The following NHSL1 variants were observed in gnomAD, a reference collection of about 807,000 sequenced individuals.
NHSL1 encodes the protein NHS-like protein 1.
Under a neutral mutation model 95.0 loss-of-function variants are expected in NHSL1, and 48 were observed. The ratio of observed to expected loss-of-function variants is 0.51; its 90% CI spans 0.40 to 0.64. The LOEUF (loss-of-function observed/expected upper bound fraction) is 0.64, where lower values mean the gene tolerates loss of function less well. Among genes scored for constraint, NHSL1 ranks in the 30% least tolerant of loss-of-function variants. The pLI is 0.00. For synonymous variants in NHSL1, 783 were observed against 833.9 expected (o/e 0.94, Z 1.05); for missense variants, 1,971 against 2,077.7 (o/e 0.95, Z 1.00).
intron 2 of NHSL1, among the ~76,000 whole-genome samples, chr6:138,493,630 T>A (rs780684318): frequency 7.2e-5 from 11 of 152,224 alleles, no homozygotes; most frequent in South Asian, 2.1e-4. Flanking sequence ...GCTTAGGAGC[T>A]GGGCAGAGAA....
At chr6:138,467,238 C>T (rs184465900) in intron 3 of NHSL1, among the ~76,000 whole-genome samples, 42 of 151,972 alleles carry the variant, frequency 2.8e-4, no homozygotes, top group South Asian at 1.5e-3. Context: ...CTGCCGGCTC[C>T]GCCCCCCGGG....
chr6:138,646,130 T>A (rs1222437647), intron 1 of NHSL1, among the ~76,000 whole-genome samples: 2 of 152,212 alleles, frequency 1.3e-5, no homozygotes, highest in East Asian at 3.8e-4. Flanking sequence ...CCAATGCATC[T>A]TTCTTACTCA....
intron 1 of NHSL1, among the ~76,000 whole-genome samples, chr6:138,665,092 A>G (rs1249985611): frequency 6.6e-6 from 1 of 152,240 alleles, no homozygotes; most frequent in Non-Finnish European, 1.5e-5. Flanking sequence ...GACAGATGCA[A>G]TAAAATTAGG....
chr6:138,471,516 A>T (rs887831700), intron 3 of NHSL1, among the ~76,000 whole-genome samples: 1 of 152,242 alleles, frequency 6.6e-6, no homozygotes, highest in African/African-American at 2.4e-5. Context: ...CCGTCTTTGT[A>T]TATTTTAAAG....
intron 1 of NHSL1, among the ~76,000 whole-genome samples, chr6:138,681,163 TGAA>T (rs1785506820): frequency 6.6e-6 from 1 of 152,026 alleles, no homozygotes; most frequent in African/African-American, 2.4e-5. Context: ...TATATATGAA[TGAA>T]GAAGAGCAAC....
chr6:138,457,916 G>A (rs1441917477), intron 3 of NHSL1, among the ~76,000 whole-genome samples: 1 of 151,500 alleles, frequency 6.6e-6, no homozygotes, highest in African/African-American at 2.4e-5. Context: ...GCTGAGGCAG[G>A]AGAATCTCTT....
At chr6:138,641,819 T>C (rs1391925562) in intron 1 of NHSL1, among the ~76,000 whole-genome samples, 1 of 152,080 alleles carries the variant, frequency 6.6e-6, no homozygotes, top group African/African-American at 2.4e-5. Context: ...TACTCCTGCC[T>C]GAAAAGATAT....
intron 2 of NHSL1, among the ~76,000 whole-genome samples, chr6:138,484,278 A>T (rs1031480972): frequency 4.6e-5 from 7 of 152,098 alleles, no homozygotes; most frequent in African/African-American, 1.7e-4. Context: ...GTAGGCGGGG[A>T]GTAAGATGTA....
chr6:138,606,424 C>G (rs1484620171), intron 1 of NHSL1, among the ~76,000 whole-genome samples: 1 of 152,204 alleles, frequency 6.6e-6, no homozygotes, highest in East Asian at 1.9e-4. Flanking sequence ...AGTAAGCTTA[C>G]AGAATCAGCA....
At chr6:138,691,717 A>T in intron 1 of NHSL1, 5 of 343,996 alleles carry the variant, frequency 1.5e-5, no homozygotes, top group Non-Finnish European at 2.9e-5. Flanking sequence ...CAGTTGCTTC[A>T]TTCACCGGAG....
intron 3 of NHSL1, among the ~76,000 whole-genome samples, chr6:138,463,299 TGACTCCCCA>T: frequency 2.0e-5 from 3 of 152,070 alleles, no homozygotes; most frequent in African/African-American, 7.2e-5. Context: ...ACTCCTCCAG[TGACTCCCCA>T]TCTCACCCAG....
At chr6:138,477,633 T>C (rs1439688107) in intron 2 of NHSL1, among the ~76,000 whole-genome samples, 1 of 152,090 alleles carries the variant, frequency 6.6e-6, no homozygotes, top group East Asian at 1.9e-4. Flanking sequence ...AAATGACTAA[T>C]AATAAATAAT....
chr6:138,563,265 C>G (rs1010408636), intron 1 of NHSL1, among the ~76,000 whole-genome samples: 1 of 152,204 alleles, frequency 6.6e-6, no homozygotes, highest in Admixed American at 6.5e-5. Context: ...TAAACATTCA[C>G]TAAATATTAG....
At position 138,423,876 on chromosome 6, in the gene NHSL1, T is replaced by A; in HGVS notation, c.*205A>T. The A allele has an allele frequency of 2.6e-6, 1 of 387,192 alleles. No homozygotes were observed. The highest frequency in any genetic ancestry group is 4.4e-6 in the Non-Finnish European group (1 of 225,008). 24.0% of individuals were successfully genotyped at this position (387,192 alleles called of 1,614,324 possible). A position where few individuals can be genotyped will look rare whatever the true frequency, so the allele number is the denominator to read the frequency against. On this transcript the variant is annotated 3_prime_UTR_variant, in exon 8 of 8. Coordinates refer to ENST00000343505, the MANE Select transcript of NHSL1 (RefSeq NM_001144060.2). ...AAGCACTTTCAGAAGTTTAAGCTTC[T>A]ACTTGTTCTTAAGCCACAGGGCAAG...
intron 1 of NHSL1, among the ~76,000 whole-genome samples, chr6:138,597,413 T>C (rs1318209131): frequency 6.6e-6 from 1 of 152,210 alleles, no homozygotes; most frequent in African/African-American, 2.4e-5. Context: ...TTTGACAAGT[T>C]TTTCATTTGG....
In NHSL1 at chr6:138,499,233, T is replaced by A; in HGVS notation, c.58A>T (p.Thr20Ser). The A allele has an allele frequency of 6.5e-7, 1 of 1,543,758 alleles. No individual in the cohort carries two copies. The highest frequency in any genetic ancestry group is 8.8e-7 in the Non-Finnish European group (1 of 1,140,094). The change falls in exon 1 of 8, where the codon ACG becomes TCG. Residue 20 changes from threonine to serine, a missense_variant and splice_region_variant. Around this residue, in one of 3 missense-constraint regions of NHSL1, gnomAD observed 1,602 missense variants for 1,654.5 expected, o/e 0.97. Transcript: ENST00000343505. ...AGTAGAGAGAAAAGGAACTACTTAC[T>A]TTTCTTCTTAAAAAGTTTAATTAAA... ...KSLIKLFKKK[T>S]VSNLDEESRW...
At chr6:138,450,330 A>G (rs1000795203) in intron 3 of NHSL1, among the ~76,000 whole-genome samples, 6 of 152,244 alleles carry the variant, frequency 3.9e-5, no homozygotes, top group Non-Finnish European at 8.8e-5. Context: ...ATACACATAA[A>G]TATAATTTTT....
intron 1 of NHSL1, among the ~76,000 whole-genome samples, chr6:138,613,614 G>A (rs1341346833): frequency 2.6e-5 from 4 of 152,170 alleles, no homozygotes; most frequent in Non-Finnish European, 4.4e-5. Flanking sequence ...CCAGTCCCAC[G>A]TCTTGCGGAT....
intron 1 of NHSL1, among the ~76,000 whole-genome samples, chr6:138,619,947 C>CAA (rs11376703): frequency 0.051 from 5,227 of 101,906 alleles, 288 homozygotes; most frequent in African/African-American, 0.15. Context: ...AACTCTATCA[C>CAA]AAAAAAAAAA....
Sources: gnomAD v4.1 joint callset for allele counts (sites outside exome capture counted in the v4.1 genomes callset) on GRCh38, gnomAD v4.1.1 for gene constraint, gnomAD v4.1.1 regional missense constraint, MANE v1.5 for transcripts, NCBI Gene and HGNC (gene_info 2026-07-23, HGNC 2026-07-21) for gene names.